CNTNAP2: variants seen among roughly 807,000 people sequenced by gnomAD.
CNTNAP2 encodes contactin-associated protein-like 2.
A neutral mutation model predicts 155.2 loss-of-function variants in CNTNAP2; 98 were observed. The observed-to-expected ratio is 0.63, with a 90% CI of 0.54 to 0.75. The LOEUF (loss-of-function observed/expected upper bound fraction) is 0.75, where lower values mean the gene tolerates loss of function less well. Among genes scored for constraint, CNTNAP2 ranks in the 30% least tolerant of loss-of-function variants. The pLI is 0.00. For missense variants in CNTNAP2, 1,727 were observed against 1,688.1 expected, an observed-to-expected ratio of 1.02 and a Z score of -0.40; for synonymous variants, 651 against 631.2, an observed-to-expected ratio of 1.03 and a Z score of -0.47.
At chr7:146,149,296 T>A (rs1367911279) in intron 1 of CNTNAP2, among the ~76,000 whole-genome samples, 1 of 152,084 alleles carries the variant, frequency 6.6e-6, no homozygotes, top group Non-Finnish European at 1.5e-5. Context: ...ATGACACTTT[T>A]AAAAACATAA....
At chr7:147,282,276 C>T (rs1805056153) in intron 8 of CNTNAP2, among the ~76,000 whole-genome samples, 1 of 151,818 alleles carries the variant, frequency 6.6e-6, no homozygotes, top group Non-Finnish European at 1.5e-5. Context: ...GTGTGACCAG[C>T]CACATGAAAC....
At chr7:148,052,309 T>TA (rs1477077232) in intron 15 of CNTNAP2, among the ~76,000 whole-genome samples, 1 of 145,078 alleles carries the variant, frequency 6.9e-6, no homozygotes, top group Non-Finnish European at 1.5e-5. Flanking sequence ...AATATGTTTT[T>TA]AAAAACTTTT....
intron 17 of CNTNAP2, among the ~76,000 whole-genome samples, chr7:148,152,039 T>C (rs1805306229): frequency 6.6e-6 from 1 of 152,042 alleles, no homozygotes; most frequent in African/African-American, 2.4e-5. Flanking sequence ...AGACTGCAAA[T>C]AGTTCTTGGC....
chr7:146,507,071 T>A (rs1008303781), intron 1 of CNTNAP2, among the ~76,000 whole-genome samples: 2 of 152,140 alleles, frequency 1.3e-5, no homozygotes, highest in African/African-American at 4.8e-5. Flanking sequence ...GAGCCCCACT[T>A]TGCTAAGGTG....
At chr7:146,118,123 G>T (rs1334045106) in intron 1 of CNTNAP2, among the ~76,000 whole-genome samples, 5 of 152,098 alleles carry the variant, frequency 3.3e-5, no homozygotes, top group Non-Finnish European at 4.4e-5. Flanking sequence ...AACAGGAATA[G>T]CATTGAAAAA....
At chr7:146,760,759 A>G (rs1211374702) in intron 1 of CNTNAP2, among the ~76,000 whole-genome samples, 2 of 152,004 alleles carry the variant, frequency 1.3e-5, no homozygotes, top group Non-Finnish European at 2.9e-5. Context: ...ATAGTGTCCA[A>G]GTTTCTAGAA....
intron 15 of CNTNAP2, among the ~76,000 whole-genome samples, chr7:148,033,362 TAAA>T (rs33962047): frequency 6.8e-6 from 1 of 146,356 alleles, no homozygotes; most frequent in South Asian, 2.2e-4. Context: ...TTATTTCTTC[TAAA>T]AAAAAAAAAT....
intron 13 of CNTNAP2, among the ~76,000 whole-genome samples, chr7:147,805,407 G>A (rs965679917): frequency 3.3e-5 from 5 of 152,192 alleles, no homozygotes; most frequent in African/African-American, 7.2e-5. Flanking sequence ...CAATTTGGAT[G>A]AGCTTTATTT....
At chr7:147,157,617 TTC>T (rs2116446464) in intron 8 of CNTNAP2, among the ~76,000 whole-genome samples, 2 of 152,272 alleles carry the variant, frequency 1.3e-5, no homozygotes, top group African/African-American at 4.8e-5. Flanking sequence ...TATTATATTT[TTC>T]TGTGTTTCCT....
chr7:148,100,060 C>T (rs577417094), intron 15 of CNTNAP2, among the ~76,000 whole-genome samples: 10 of 151,786 alleles, frequency 6.6e-5, no homozygotes, highest in East Asian at 1.9e-4. Context: ...TTAGTAGAGA[C>T]GGGGTTTCAC....
chr7:147,933,495 A>C (rs1398838752), intron 14 of CNTNAP2, among the ~76,000 whole-genome samples: 2 of 10,460 alleles, frequency 1.9e-4, no homozygotes, highest in Non-Finnish European at 5.8e-4. Context: ...AGAAAATGTG[A>C]GATAGATAGA....
chr7:146,744,126 G>A (rs1801767845), intron 1 of CNTNAP2, among the ~76,000 whole-genome samples: 2 of 150,900 alleles, frequency 1.3e-5, no homozygotes, highest in South Asian at 4.2e-4. Context: ...TAATTGGGAG[G>A]CTGAGGCAGG....
chr7:147,031,800 C>T (rs1799038958), intron 3 of CNTNAP2, among the ~76,000 whole-genome samples: 1 of 152,188 alleles, frequency 6.6e-6, no homozygotes, highest in Non-Finnish European at 1.5e-5. Flanking sequence ...TGCCTGTAGT[C>T]CCAGCTACTC....
rs139850433 is a variant in CNTNAP2 at position 146,537,867 on chromosome 7, G to C, written c.98-236404G>C. ...ACACTGGGGAGAGAGCAGGCATAGAGGTAGGTAGATTGAATGAAACTACAA... is the reference window on the plus strand; with the variant it reads ...ACACTGGGGAGAGAGCAGGCATAGACGTAGGTAGATTGAATGAAACTACAA... On this transcript the variant is annotated intron_variant, in intron 1 of 23. Transcript: ENST00000361727. Among the ~76,000 whole-genome samples, 419 of 152,116 alleles carry C rather than the reference G, an allele frequency of 2.8e-3. 1 individual carries two copies. Among genetic ancestry groups the C allele is most frequent in the Admixed American group, 4.7e-3 (72 of 15,254 alleles).
At chr7:147,604,581 A>G (rs557497877) in intron 12 of CNTNAP2, among the ~76,000 whole-genome samples, 1 of 151,956 alleles carries the variant, frequency 6.6e-6, no homozygotes, top group African/African-American at 2.4e-5. Flanking sequence ...TGCCCCACCC[A>G]CTTTGCTTCT....
At chr7:146,200,327 C>T (rs539865175) in intron 1 of CNTNAP2, among the ~76,000 whole-genome samples, 81 of 152,172 alleles carry the variant, frequency 5.3e-4, no homozygotes, top group Admixed American at 7.2e-4. Context: ...AACCCCATCT[C>T]TACTAAAAAT....
At chr7:146,659,023 C>T (rs1800040231) in intron 1 of CNTNAP2, among the ~76,000 whole-genome samples, 4 of 152,192 alleles carry the variant, frequency 2.6e-5, no homozygotes, top group Admixed American at 2.6e-4. Flanking sequence ...TGCAGGACCT[C>T]CTGCTACTGA....
chr7:146,583,165 G>GAAA (rs1341143978), intron 1 of CNTNAP2, among the ~76,000 whole-genome samples: 3 of 152,028 alleles, frequency 2.0e-5, no homozygotes, highest in Admixed American at 6.6e-5. Flanking sequence ...AGAAAACTTA[G>GAAA]AACATAGCTT....
Position 147,332,586 on chromosome 7 carries a change from G to A in CNTNAP2, c.1498+32296G>A, listed in dbSNP as rs766310921. On this transcript the variant is annotated intron_variant, in intron 9 of 23. Coordinates refer to ENST00000361727, the MANE Select transcript of CNTNAP2 (RefSeq NM_014141.6). Reference sequence around the variant, plus strand: ...ATTCTAATACAGTAATTATCAGGTCGAGCATGGTGGCTCATGCCTGTAATC... The same window carrying A: ...ATTCTAATACAGTAATTATCAGGTCAAGCATGGTGGCTCATGCCTGTAATC... Among the ~76,000 whole-genome samples, 7 of 151,944 alleles carry A rather than the reference G, an allele frequency of 4.6e-5. No individual in the cohort carries two copies. The South Asian group carries it at 6.2e-4, about 14-fold the overall frequency.
Sources: gnomAD v4.1 joint callset for allele counts (sites outside exome capture counted in the v4.1 genomes callset) on GRCh38, gnomAD v4.1.1 for gene constraint, MANE v1.5 for transcripts, NCBI Gene and HGNC (gene_info 2026-07-23, HGNC 2026-07-21) for gene names.